The following CTNNA3 variants were observed in gnomAD, a reference collection of about 807,000 sequenced individuals.
CTNNA3 encodes the protein catenin alpha 3.
Under a neutral mutation model 95.7 loss-of-function variants are expected in CTNNA3, and 76 were observed. The observed-to-expected ratio is 0.79, with a 90% CI of 0.66 to 0.96. The LOEUF (loss-of-function observed/expected upper bound fraction) is 0.96, where lower values mean the gene tolerates loss of function less well. Among genes scored for constraint, CTNNA3 ranks in the 40% least tolerant of loss-of-function variants. The pLI is 0.00. For synonymous variants in CTNNA3, 431 were observed against 374.4 expected (o/e 1.15, Z -1.74); for missense variants, 1,191 against 1,089.8 (o/e 1.09, Z -1.31).
intron 9 of CTNNA3, among the ~76,000 whole-genome samples, chr10:66,755,501 G>T (rs1839329241): frequency 6.6e-6 from 1 of 152,070 alleles, no homozygotes; most frequent in African/African-American, 2.4e-5. Flanking sequence ...TTAGGGAAAT[G>T]CAAGTTGAAG....
chr10:66,558,565 A>G (rs1317056826), intron 10 of CTNNA3, among the ~76,000 whole-genome samples: 1 of 152,170 alleles, frequency 6.6e-6, no homozygotes, highest in Non-Finnish European at 1.5e-5. Flanking sequence ...ACATGGAAAT[A>G]AAGGCCAAAA....
intron 3 of CTNNA3, among the ~76,000 whole-genome samples, chr10:67,554,095 T>A (rs1207824990): frequency 6.6e-6 from 1 of 152,214 alleles, no homozygotes; most frequent in Non-Finnish European, 1.5e-5. Context: ...CAACCCATCC[T>A]TTTTTATGGC....
chr10:67,577,411 A>G (rs1346873012), intron 3 of CTNNA3, among the ~76,000 whole-genome samples: 2 of 152,006 alleles, frequency 1.3e-5, no homozygotes, highest in Admixed American at 6.6e-5. Flanking sequence ...AGTTCCTTGT[A>G]GATTCTGGAT....
At chr10:67,654,124 T>C (rs1474176049) in intron 1 of CTNNA3, among the ~76,000 whole-genome samples, 2 of 152,198 alleles carry the variant, frequency 1.3e-5, no homozygotes, top group Non-Finnish European at 2.9e-5. Context: ...GAACAGGCCA[T>C]GTGTCAGGGA....
chr10:67,050,597 T>C (rs1464472461), intron 7 of CTNNA3, among the ~76,000 whole-genome samples: 3 of 152,204 alleles, frequency 2.0e-5, no homozygotes, highest in African/African-American at 7.2e-5. Context: ...GACATTGTTC[T>C]GCTGTCTCTC....
At chr10:66,650,149 T>C (rs1845843982) in intron 9 of CTNNA3, among the ~76,000 whole-genome samples, 2 of 152,198 alleles carry the variant, frequency 1.3e-5, no homozygotes, top group African/African-American at 4.8e-5. Context: ...AGCAGCAGAA[T>C]ATACTTTTTT....
At chr10:66,785,194 G>A (rs2132858427) in intron 7 of CTNNA3, among the ~76,000 whole-genome samples, 1 of 152,288 alleles carries the variant, frequency 6.6e-6, no homozygotes, top group East Asian at 1.9e-4. Context: ...AGCTGCAGAA[G>A]AAGATATCAC....
chr10:66,060,058 G>A (rs1248605807), intron 15 of CTNNA3, among the ~76,000 whole-genome samples: 2 of 151,828 alleles, frequency 1.3e-5, no homozygotes, highest in Non-Finnish European at 2.9e-5. Flanking sequence ...TAATTTTTCT[G>A]CAACTTTTAA....
At chr10:66,083,064 TAGTG>T (rs1469311216) in intron 14 of CTNNA3, among the ~76,000 whole-genome samples, 2 of 152,042 alleles carry the variant, frequency 1.3e-5, no homozygotes, top group Non-Finnish European at 2.9e-5. Flanking sequence ...GAGATCTTCT[TAGTG>T]AGGAGTAAAA....
intron 13 of CTNNA3, among the ~76,000 whole-genome samples, chr10:66,275,376 C>A (rs947772681): frequency 4.6e-5 from 7 of 152,188 alleles, no homozygotes; most frequent in African/African-American, 1.4e-4. Flanking sequence ...CCTTGGCCTC[C>A]CAAACAGGCG....
chr10:65,960,393 G>A (rs1010193165), intron 17 of CTNNA3, among the ~76,000 whole-genome samples: 2 of 151,994 alleles, frequency 1.3e-5, no homozygotes, highest in African/African-American at 4.8e-5. Flanking sequence ...GGCGCCGTGG[G>A]GGGCACCTGT....
chr10:66,267,241 C>G (rs1167914709), intron 13 of CTNNA3, among the ~76,000 whole-genome samples: 1 of 152,048 alleles, frequency 6.6e-6, no homozygotes, highest in Non-Finnish European at 1.5e-5. Context: ...GCTTATGTTT[C>G]TACTCCTCCT....
At chr10:66,915,962 T>C (rs1323004098) in intron 7 of CTNNA3, among the ~76,000 whole-genome samples, 2 of 152,070 alleles carry the variant, frequency 1.3e-5, no homozygotes, top group Non-Finnish European at 2.9e-5. Flanking sequence ...TTGGCCAGGA[T>C]GGTCTCAATC....
chr10:66,646,810 C>A (rs1012475108), intron 9 of CTNNA3, among the ~76,000 whole-genome samples: 2 of 152,036 alleles, frequency 1.3e-5, no homozygotes, highest in Admixed American at 1.3e-4. Flanking sequence ...CCTGTGCTAA[C>A]CAATCTAAAA....
intron 9 of CTNNA3, among the ~76,000 whole-genome samples, chr10:66,644,517 T>C (rs951562977): frequency 1.3e-5 from 2 of 149,928 alleles, no homozygotes; most frequent in Non-Finnish European, 3.0e-5. Flanking sequence ...TTAGACACTA[T>C]GTAAATGTCT....
At chr10:66,221,689 A>G (rs1221045124) in intron 13 of CTNNA3, among the ~76,000 whole-genome samples, 1 of 152,224 alleles carries the variant, frequency 6.6e-6, no homozygotes, top group East Asian at 1.9e-4. Flanking sequence ...TGACAAGAAC[A>G]ACAAAATGCT....
intron 2 of CTNNA3, among the ~76,000 whole-genome samples, chr10:67,637,180 G>A (rs1172087521): frequency 1.3e-5 from 2 of 152,206 alleles, no homozygotes; most frequent in Non-Finnish European, 2.9e-5. Context: ...GGACCTGATG[G>A]AGCTGAAAAC....
chr10:66,737,664 CT>C (rs200878512), intron 9 of CTNNA3, among the ~76,000 whole-genome samples: 13,469 of 144,432 alleles, frequency 0.093, 760 homozygotes, highest in East Asian at 0.23. Flanking sequence ...AAAAGTTGTA[CT>C]TTTTTTTTTT....
intron 11 of CTNNA3, among the ~76,000 whole-genome samples, chr10:66,499,314 A>G (rs1391416566): frequency 6.6e-6 from 1 of 152,204 alleles, no homozygotes; most frequent in African/African-American, 2.4e-5. Context: ...AAGGGACTTC[A>G]GCTTTTGTTC....
Sources: allele counts gnomAD v4.1 joint callset (sites outside exome capture counted in the v4.1 genomes callset), GRCh38; gene constraint gnomAD v4.1.1; transcripts MANE v1.5; gene names NCBI Gene and HGNC (gene_info 2026-07-23, HGNC 2026-07-21).